The following PARVB variants were observed in gnomAD, a reference collection of about 807,000 sequenced individuals.
PARVB encodes parvin beta.
Under a neutral mutation model 47.0 loss-of-function variants are expected in PARVB, and 46 were observed. That is an observed-to-expected ratio of 0.98 (90% CI 0.77 to 1.25). PARVB has a LOEUF of 1.25. PARVB is among the 50% of genes most tolerant of loss of function. The probability of loss-of-function intolerance (pLI) is 0.00; values close to 1 mark genes in which losing one functional copy is unlikely to be tolerated. For missense variants in PARVB, 473 were observed against 471.6 expected (o/e 1.00, Z -0.03); for synonymous variants, 196 against 196.3 (o/e 1.00, Z 0.01).
chr22:44,131,133 T>C (rs1039862345), intron 4 of PARVB, among the ~76,000 whole-genome samples: 4 of 129,334 alleles, frequency 3.1e-5, no homozygotes, highest in Non-Finnish European at 4.8e-5. Context: ...TTTTCTTTCT[T>C]TCTCTCTCTC....
At chr22:44,132,521 T>C (rs2053350550) in intron 5 of PARVB, among the ~76,000 whole-genome samples, 1 of 152,218 alleles carries the variant, frequency 6.6e-6, no homozygotes, top group Admixed American at 6.5e-5. Flanking sequence ...CCTTTTTTAG[T>C]GCCAGAGATA....
intron 9 of PARVB, chr22:44,149,508 A>G (rs2053756653): frequency 6.6e-6 from 1 of 152,054 alleles, no homozygotes; most frequent in South Asian, 2.1e-4. Flanking sequence ...ACATCCAGCC[A>G]CAGCCTGAAG....
At chr22:44,168,391 G>A in intron 12 of PARVB, 1 of 540,314 alleles carries the variant, frequency 1.9e-6, no homozygotes, top group Non-Finnish European at 3.4e-6. Flanking sequence ...CCCGCAGGGT[G>A]TCAGCCCGCG....
rs1181913110 is a variant in PARVB, at chr22:44,089,755, G to A, written c.113-4173G>A. Among the ~76,000 whole-genome samples the A allele has an allele frequency of 6.6e-6, 1 of 152,174 alleles. No individual in the cohort carries two copies. Among genetic ancestry groups the A allele is most frequent in the Admixed American group, 6.5e-5 (1 of 15,270 alleles). On this transcript the variant is annotated intron_variant, in intron 1 of 12. Transcript: ENST00000338758. The surrounding 1 kb of genome is among the most constrained non-coding windows in gnomAD (Gnocchi z 4.0). ...GAGCTGTGTCCATAAGGGAACCCAGGCTGCAAAATATAGCAAGGCCCAGAA... is the reference window on the plus strand; with the variant it reads ...GAGCTGTGTCCATAAGGGAACCCAGACTGCAAAATATAGCAAGGCCCAGAA...
intron 6 of PARVB, among the ~76,000 whole-genome samples, chr22:44,133,918 C>G (rs1054580498): frequency 2.6e-5 from 4 of 152,212 alleles, no homozygotes; most frequent in African/African-American, 9.6e-5. Flanking sequence ...CAATGAGCGC[C>G]TACTATTCTC....
intron 1 of PARVB, among the ~76,000 whole-genome samples, chr22:44,080,478 C>G (rs555954740): frequency 6.6e-6 from 1 of 152,194 alleles, no homozygotes; most frequent in Non-Finnish European, 1.5e-5. Flanking sequence ...CTGTCTCCTT[C>G]GCCACACCTC....
intron 3 of PARVB, chr22:44,106,175 C>T (rs2052564512): frequency 2.2e-5 from 3 of 137,374 alleles, no homozygotes; most frequent in South Asian, 2.4e-4. Context: ...TGCTCTACCC[C>T]AAACCTGTGA....
chr22:44,099,626 T>G (rs1264354677), intron 2 of PARVB, among the ~76,000 whole-genome samples: 3 of 152,200 alleles, frequency 2.0e-5, no homozygotes, highest in Admixed American at 1.3e-4. Flanking sequence ...ACCAAACATT[T>G]TCCATTTCAT....
chr22:44,078,672 C>T (rs921872615), intron 1 of PARVB, among the ~76,000 whole-genome samples: 2 of 152,182 alleles, frequency 1.3e-5, no homozygotes, highest in African/African-American at 4.8e-5. Context: ...TTGCAGGGAC[C>T]ATGATCCAGC....
intron 1 of PARVB, among the ~76,000 whole-genome samples, chr22:44,053,486 G>A (rs754521770): frequency 1.3e-5 from 2 of 152,294 alleles, no homozygotes; most frequent in South Asian, 2.1e-4. Context: ...TTAGGGCACC[G>A]TACAGGTAGC....
intron 1 of PARVB, among the ~76,000 whole-genome samples, chr22:44,078,717 T>C (rs904706163): frequency 6.6e-6 from 1 of 152,032 alleles, no homozygotes; most frequent in African/African-American, 2.4e-5. Context: ...GAGTAGAATA[T>C]AGGTCCTTTG....
chr22:44,053,178 G>A (rs1370156570), intron 1 of PARVB, among the ~76,000 whole-genome samples: 2 of 151,260 alleles, frequency 1.3e-5, no homozygotes, highest in East Asian at 3.9e-4. Context: ...CTGCCTCCTG[G>A]GTTCAAGCAA....
At chr22:44,100,969 A>T (rs1428664558) in intron 3 of PARVB, among the ~76,000 whole-genome samples, 2 of 152,314 alleles carry the variant, frequency 1.3e-5, no homozygotes, top group Non-Finnish European at 2.9e-5. Context: ...TGTCTGCCAG[A>T]AACAGACATT....
intron 2 of PARVB, among the ~76,000 whole-genome samples, chr22:44,008,850 G>A (rs932899311): frequency 8.6e-5 from 13 of 152,014 alleles, no homozygotes; most frequent in African/African-American, 2.7e-4. Context: ...TTAGCTGGGT[G>A]TGGGGGTGGG....
chr22:44,048,332 A>G (rs1446002920), intron 1 of PARVB, among the ~76,000 whole-genome samples: 1 of 152,126 alleles, frequency 6.6e-6, no homozygotes, highest in Non-Finnish European at 1.5e-5. Flanking sequence ...GACCATGTGG[A>G]CATATCTTTT....
rs987107971 is a variant in PARVB, at chr22:44,170,479, A to G, written c.*1801A>G. The G allele has an allele frequency of 6.6e-6, 1 of 152,128 alleles. No individual in the cohort carries two copies. Among genetic ancestry groups the G allele is most frequent in the African/African-American group, 2.4e-5 (1 of 41,402 alleles). 9.4% of individuals were successfully genotyped at this position (152,128 alleles called of 1,614,324 possible). A position where few individuals can be genotyped will look rare whatever the true frequency, so the allele number is the denominator to read the frequency against. On this transcript the variant is annotated 3_prime_UTR_variant, in exon 13 of 13. Transcript: ENST00000338758. ...GGGGCATAATTTGCCTTGTACCGGG[A>G]GGATATGAAGTGTTCATGTTACTCT...
intron 2 of PARVB, among the ~76,000 whole-genome samples, chr22:44,018,788 TCTC>T (rs913300498): frequency 2.6e-5 from 4 of 152,150 alleles, no homozygotes; most frequent in African/African-American, 9.7e-5. Context: ...TCGCCCCCGT[TCTC>T]CTCACCCAGA....
chr22:44,161,768 C>T (rs527270451), intron 11 of PARVB, among the ~76,000 whole-genome samples: 3 of 152,214 alleles, frequency 2.0e-5, no homozygotes, highest in Non-Finnish European at 4.4e-5. Flanking sequence ...ACAGCACCCG[C>T]AGGTCGCTCC....
chr22:44,077,857 T>A (rs529829550), intron 1 of PARVB, among the ~76,000 whole-genome samples: 8 of 151,972 alleles, frequency 5.3e-5, no homozygotes, highest in Non-Finnish European at 8.8e-5. Context: ...ACCATGACAC[T>A]CGGCTAATTT....
Sources: gnomAD v4.1 joint callset for allele counts (sites outside exome capture counted in the v4.1 genomes callset) on GRCh38, gnomAD v4.1.1 for gene constraint, Gnocchi (gnomAD v3.1) non-coding constraint, MANE v1.5 for transcripts, NCBI Gene and HGNC (gene_info 2026-07-23, HGNC 2026-07-21) for gene names.